The following LEMD3 variants were observed in gnomAD, a reference collection of about 807,000 sequenced individuals.
LEMD3 encodes the protein inner nuclear membrane protein Man1.
Under a neutral mutation model 95.2 loss-of-function variants are expected in LEMD3, and 33 were observed. That is an observed-to-expected ratio of 0.35 (90% CI 0.26 to 0.46). LEMD3 has a LOEUF of 0.46. LEMD3 is among the 20% of genes least tolerant of loss of function. The probability of loss-of-function intolerance (pLI) is 1.00; values close to 1 mark genes in which losing one functional copy is unlikely to be tolerated. For synonymous variants in LEMD3, 525 were observed against 474.6 expected (o/e 1.11, Z -1.38); for missense variants, 1,210 against 1,192.8 (o/e 1.01, Z -0.21).
At chr12:65,237,859 G>A (rs1870816281) in intron 4 of LEMD3, among the ~76,000 whole-genome samples, 1 of 152,180 alleles carries the variant, frequency 6.6e-6, no homozygotes, top group Non-Finnish European at 1.5e-5. Context: ...ATACTTGTCT[G>A]TGAAACATCC....
rs1869811822 is a variant in LEMD3 at position 65,207,865 on chromosome 12, A to AT, written c.1523-3061_1523-3060insT. Among the ~76,000 whole-genome samples the AT allele has an allele frequency of 2.0e-5, 3 of 152,158 alleles. 1 individual carries two copies. Among genetic ancestry groups the AT allele is most frequent in the Non-Finnish European group, 4.4e-5 (3 of 68,012 alleles). On this transcript the variant is annotated intron_variant, in intron 1 of 12. Transcript: ENST00000308330. ...TATCTGAGAATTCATAACATGATAAACTTTATTTCTGTGTAAGAGAATGGA... is the reference window on the plus strand; with the variant it reads ...TATCTGAGAATTCATAACATGATAAATCTTTATTTCTGTGTAAGAGAATGGA...
Position 65,170,388 on chromosome 12 carries a change from G to GGAC in LEMD3, c.803_805dup (p.Asp268dup), listed in dbSNP as rs780012432. 25 of 1,613,928 alleles carry GGAC rather than the reference G, an allele frequency of 1.5e-5. No individual in the cohort carries two copies. The highest frequency in any genetic ancestry group is 1.9e-5 in the Non-Finnish European group (23 of 1,179,956). On this transcript the variant is annotated inframe_insertion, in exon 1 of 13. Coordinates refer to ENST00000308330, the MANE Select transcript of LEMD3 (RefSeq NM_014319.5). ...AAAACTATTCGGACTCAGAGGAAGA[G>GGAC]GACGACGACGACGTGGCCTCCAGCA...
chr12:65,220,277 T>C (rs1429401914), intron 4 of LEMD3, among the ~76,000 whole-genome samples: 1 of 152,242 alleles, frequency 6.6e-6, no homozygotes, highest in Non-Finnish European at 1.5e-5. Flanking sequence ...CATCTTTTCA[T>C]ATACCATTTA....
chr12:65,204,959 A>G (rs1414151485), intron 1 of LEMD3, among the ~76,000 whole-genome samples: 1 of 152,154 alleles, frequency 6.6e-6, no homozygotes, highest in Non-Finnish European at 1.5e-5. Context: ...ATAAAGAAAT[A>G]CCCAAGACTG....
At chr12:65,196,881 T>C (rs573549121) in intron 1 of LEMD3, among the ~76,000 whole-genome samples, 2 of 152,220 alleles carry the variant, frequency 1.3e-5, no homozygotes, top group Non-Finnish European at 2.9e-5. Flanking sequence ...ACTAGAACTA[T>C]TAAAAGAAAA....
At chr12:65,201,104 A>C (rs971337037) in intron 1 of LEMD3, among the ~76,000 whole-genome samples, 3 of 152,110 alleles carry the variant, frequency 2.0e-5, no homozygotes, top group African/African-American at 7.2e-5. Flanking sequence ...AGATCAGTTG[A>C]CTGTATTTAT....
intron 1 of LEMD3, among the ~76,000 whole-genome samples, chr12:65,187,099 ATAAACT>A (rs1565781911): frequency 6.6e-6 from 1 of 152,144 alleles, no homozygotes; most frequent in Non-Finnish European, 1.5e-5. Flanking sequence ...ATAAAAGCAG[ATAAACT>A]TAAAATCAAT....
At position 65,238,712 on chromosome 12, in the gene LEMD3, G is replaced by A. The variant is rs971174798; in HGVS notation, c.1819G>A (p.Asp607Asn). The A allele has an allele frequency of 6.2e-7, 1 of 1,613,916 alleles. No homozygotes were observed. The highest frequency in any genetic ancestry group is 8.5e-7 in the Non-Finnish European group (1 of 1,179,948). ...TGAGGAAGAATTGACAAATATAACT[G>A]ATGTGCAGTTTTTACAGTCCACAAG... ...GPEEELTNITDVQFLQSTRPL... is the reference protein window; with the variant it reads ...GPEEELTNITNVQFLQSTRPL... Residue 607 changes from aspartate (D) to asparagine (N), a missense_variant, in exon 6 of 13, where the codon GAT (aspartate) becomes AAT (asparagine). Asp to Asn is a conservative substitution (Grantham distance 23). This residue lies in a region of LEMD3 where 461 missense variants were observed against 569.8 expected (regional missense o/e 0.81). Coordinates refer to ENST00000308330, the MANE Select transcript of LEMD3 (RefSeq NM_014319.5).
At chr12:65,181,989 A>ATG (rs1291530336) in intron 1 of LEMD3, among the ~76,000 whole-genome samples, 1 of 152,054 alleles carries the variant, frequency 6.6e-6, no homozygotes, top group Admixed American at 6.6e-5. Context: ...AGAATTTTCA[A>ATG]TGTGTGTGAG....
At chr12:65,187,688 G>A (rs185494800) in intron 1 of LEMD3, among the ~76,000 whole-genome samples, 14 of 152,130 alleles carry the variant, frequency 9.2e-5, no homozygotes, top group Middle Eastern at 3.4e-3. Context: ...TGGACTCCAG[G>A]TAAGCAGTAG....
At chr12:65,231,369 T>TA (rs1870623240) in intron 4 of LEMD3, among the ~76,000 whole-genome samples, 2 of 152,156 alleles carry the variant, frequency 1.3e-5, no homozygotes, top group Non-Finnish European at 2.9e-5. Flanking sequence ...TTTTTAATAA[T>TA]GCTTATTTTT....
At chr12:65,219,040 C>T (rs1034500235) in intron 4 of LEMD3, among the ~76,000 whole-genome samples, 3 of 152,226 alleles carry the variant, frequency 2.0e-5, no homozygotes, top group African/African-American at 4.8e-5. Flanking sequence ...GATCTGCATG[C>T]CTTGGCCTCC....
intron 1 of LEMD3, among the ~76,000 whole-genome samples, chr12:65,186,998 C>T (rs980877677): frequency 6.6e-6 from 1 of 152,048 alleles, no homozygotes; most frequent in African/African-American, 2.4e-5. Context: ...TGTTCTTACA[C>T]AATCAGCTTT....
chr12:65,238,702 A>C lies in LEMD3; in HGVS notation c.1809A>C (p.Thr603=), dbSNP rs1870844884. The change falls in exon 6 of 13, where the codon ACA becomes ACC. Residue 603 remains threonine (T), a synonymous_variant. Coordinates refer to ENST00000308330, the MANE Select transcript of LEMD3 (RefSeq NM_014319.5). The stretch of plus-strand genomic sequence containing the variant: ...GTTTTGGCCCTGAGGAAGAATTGAC[A>C]AATATAACTGATGTGCAGTTTTTAC... ...CVGFGPEEEL[T]NITDVQFLQS... The C allele has an allele frequency of 6.2e-7, 1 of 1,614,116 alleles. No homozygotes were observed.
intron 1 of LEMD3, among the ~76,000 whole-genome samples, chr12:65,194,177 GA>G (rs759902104): frequency 1.3e-5 from 2 of 152,114 alleles, no homozygotes; most frequent in South Asian, 2.1e-4. Context: ...ACCAAAATCT[GA>G]AGATGCTCAA....
intron 4 of LEMD3, among the ~76,000 whole-genome samples, chr12:65,235,770 A>G (rs1005503704): frequency 4.6e-5 from 7 of 152,174 alleles, no homozygotes; most frequent in African/African-American, 1.7e-4. Flanking sequence ...TATAAATTAA[A>G]TGTTGTAGTT....
intron 1 of LEMD3, among the ~76,000 whole-genome samples, chr12:65,181,261 T>TGTTTGATTTA (rs1286479061): frequency 5.3e-5 from 8 of 152,302 alleles, no homozygotes; most frequent in Non-Finnish European, 7.4e-5. Flanking sequence ...AATGCTTTCT[T>TGTTTGATTTA]GTTTGATTTA....
chr12:65,215,175 A>T (rs1452940964), intron 2 of LEMD3, among the ~76,000 whole-genome samples: 1 of 152,146 alleles, frequency 6.6e-6, no homozygotes, highest in Non-Finnish European at 1.5e-5. Context: ...AAGAAATATA[A>T]CCAATGCTTT....
intron 10 of LEMD3, among the ~76,000 whole-genome samples, chr12:65,244,263 A>ACG: frequency 6.7e-6 from 1 of 148,156 alleles, no homozygotes; most frequent in East Asian, 2.0e-4. Context: ...GCACGTGGGC[A>ACG]CGCGCACACA....
Sources: gnomAD v4.1 joint callset for allele counts (sites outside exome capture counted in the v4.1 genomes callset) on GRCh38, gnomAD v4.1.1 for gene constraint, gnomAD v4.1.1 regional missense constraint, MANE v1.5 for transcripts, NCBI Gene and HGNC (gene_info 2026-07-23, HGNC 2026-07-21) for gene names.